BMP8A: variants seen among roughly 807,000 people sequenced by gnomAD.
BMP8A encodes the protein BMP-8A.
Under a neutral mutation model 36.8 loss-of-function variants are expected in BMP8A, and 14 were observed. The ratio of observed to expected loss-of-function variants is 0.38; its 90% CI spans 0.25 to 0.60. The LOEUF (loss-of-function observed/expected upper bound fraction) is 0.60, where lower values mean the gene tolerates loss of function less well. Among genes scored for constraint, BMP8A ranks in the 20% least tolerant of loss-of-function variants. The pLI is 0.63. For synonymous variants in BMP8A, 120 were observed against 237.7 expected, an observed-to-expected ratio of 0.50 and a Z score of 4.55; for missense variants, 267 against 551.1, an observed-to-expected ratio of 0.48 and a Z score of 5.16.
intron 1 of BMP8A, among the ~76,000 whole-genome samples, chr1:39,497,473 T>C (rs1021306420): frequency 3.3e-5 from 5 of 152,182 alleles, no homozygotes; most frequent in African/African-American, 1.2e-4. Flanking sequence ...CTTCATAGAA[T>C]ACACTTACCT....
intron 1 of BMP8A, among the ~76,000 whole-genome samples, chr1:39,498,790 G>A (rs1199248160): frequency 8.5e-5 from 13 of 152,102 alleles, no homozygotes; most frequent in East Asian, 7.7e-4. Flanking sequence ...CCATGCACCC[G>A]GGGCTCTGGG....
chr1:39,493,415 C>A (rs565661945), intron 1 of BMP8A, among the ~76,000 whole-genome samples: 8 of 152,364 alleles, frequency 5.3e-5, no homozygotes, highest in Non-Finnish European at 1.2e-4. Flanking sequence ...AGGACAGGCC[C>A]AGGAAGCCTG....
intron 6 of BMP8A, 145 bp downstream of exon 6, chr1:39,523,262 C>A (rs1440672170): frequency 1.4e-5 from 14 of 1,000,700 alleles, no homozygotes; most frequent in Non-Finnish European, 2.1e-5. Flanking sequence ...ACGTCGCTAA[C>A]TTCCCACAGC....
chr1:39,500,391 G>C (rs1307520831), intron 1 of BMP8A, among the ~76,000 whole-genome samples: 1 of 152,220 alleles, frequency 6.6e-6, no homozygotes, highest in Admixed American at 6.5e-5. Context: ...GGAAGGGAGT[G>C]CTGCTGTCAG....
intron 3 of BMP8A, among the ~76,000 whole-genome samples, chr1:39,513,822 G>A (rs1398107568): frequency 6.7e-6 from 1 of 150,058 alleles, no homozygotes; most frequent in Non-Finnish European, 1.5e-5. Context: ...TAGTGATGGA[G>A]AAGAAAGAGG....
At chr1:39,523,470 TC>T (rs1483723128) in intron 6 of BMP8A, 2 of 1,279,528 alleles carry the variant, frequency 1.6e-6, no homozygotes, top group Non-Finnish European at 2.0e-6. Flanking sequence ...GGCTGTGTGA[TC>T]TTAACACACG....
intron 1 of BMP8A, among the ~76,000 whole-genome samples, chr1:39,509,913 A>G (rs1389374045): frequency 6.6e-6 from 1 of 152,244 alleles, no homozygotes; most frequent in Non-Finnish European, 1.5e-5. Flanking sequence ...TGCCCTAAAT[A>G]TAGCGTCCTG....
At chr1:39,502,842 G>A (rs918355513) in intron 1 of BMP8A, among the ~76,000 whole-genome samples, 3 of 152,198 alleles carry the variant, frequency 2.0e-5, no homozygotes, top group South Asian at 2.1e-4. Context: ...TCAGGAGTTC[G>A]AGACTAGCCT....
chr1:39,500,192 A>G (rs537212180), intron 1 of BMP8A, among the ~76,000 whole-genome samples: 2 of 152,252 alleles, frequency 1.3e-5, no homozygotes, highest in African/African-American at 4.8e-5. Flanking sequence ...GGCTGTCCAC[A>G]TCTTCACACA....
intron 1 of BMP8A, among the ~76,000 whole-genome samples, chr1:39,508,022 C>T (rs923679369): frequency 6.6e-6 from 1 of 152,098 alleles, no homozygotes; most frequent in African/African-American, 2.4e-5. Flanking sequence ...GAGGCCGAGG[C>T]GGGCAGATCA....
rs188178330 is a variant in BMP8A at position 39,501,275 on chromosome 1, T to C, written c.334+8950T>C. The stretch of plus-strand genomic sequence containing the variant: ...GGTCCCACCTCCGATCACAGCCACA[T>C]TGGGGATCACATTTCAACCTGAGTT... On this transcript the variant is annotated intron_variant, in intron 1 of 6. Transcript: ENST00000331593. 2.3e-4 allele frequency among the ~76,000 whole-genome samples: 35 copies of C among 152,352 alleles called. No individual in the cohort carries two copies. The East Asian group carries it at 6.6e-3, about 29-fold the overall frequency.
intron 1 of BMP8A, among the ~76,000 whole-genome samples, chr1:39,494,557 A>G (rs997885374): frequency 1.3e-5 from 2 of 151,914 alleles, no homozygotes; most frequent in East Asian, 3.9e-4. Flanking sequence ...GTCTCACTGT[A>G]TTGCCCAGAC....
chr1:39,497,385 C>G (rs1350696373), intron 1 of BMP8A, among the ~76,000 whole-genome samples: 1 of 152,142 alleles, frequency 6.6e-6, no homozygotes, highest in Non-Finnish European at 1.5e-5. Flanking sequence ...AGCTGGAAGC[C>G]GACACACAGT....
At chr1:39,514,568 G>A (rs865945514) in intron 3 of BMP8A, among the ~76,000 whole-genome samples, 5 of 151,186 alleles carry the variant, frequency 3.3e-5, no homozygotes, top group Admixed American at 1.3e-4. Context: ...ACCCAGCGGC[G>A]CCTGCTCATT....
Position 39,501,036 on chromosome 1 carries a change from A to G in BMP8A, c.334+8711A>G, listed in dbSNP as rs149882986. 5.3e-3 allele frequency among the ~76,000 whole-genome samples: 809 copies of G among 152,350 alleles called. 7 individuals are homozygous for G. The highest frequency in any genetic ancestry group is 8.0e-3 in the Non-Finnish European group (544 of 68,038). On this transcript the variant is annotated intron_variant, in intron 1 of 6. Transcript: ENST00000331593. ...CTGCATCTGGTGAGAGCCTCAGGCT[A>G]CTTCAATTCATGGCAGAAAGTGGAA...
intron 1 of BMP8A, among the ~76,000 whole-genome samples, chr1:39,499,860 T>C (rs1184461463): frequency 6.6e-6 from 1 of 152,224 alleles, no homozygotes; most frequent in Admixed American, 6.5e-5. Flanking sequence ...CTGTCACCAG[T>C]CCCTGTTGGC....
At chr1:39,519,759 G>C (rs1282890301) in intron 3 of BMP8A, among the ~76,000 whole-genome samples, 1 of 151,446 alleles carries the variant, frequency 6.6e-6, no homozygotes, top group Non-Finnish European at 1.5e-5. Context: ...AAATACATCT[G>C]TGTGTGTGAT....
rs535719312 is a variant in BMP8A, at chr1:39,525,485, T to A, written c.1060-164T>A. ...ACCACAGCTCCCGCTCCCAGAGCTCTCAGGGCTGCTCTTATTCCTGTTAAT... is the reference window on the plus strand; with the variant it reads ...ACCACAGCTCCCGCTCCCAGAGCTCACAGGGCTGCTCTTATTCCTGTTAAT... On this transcript the variant is annotated intron_variant, in intron 6 of 6. Transcript: ENST00000331593. Among the ~76,000 whole-genome samples the A allele has an allele frequency of 2.0e-5, 3 of 152,268 alleles. No individual in the cohort carries two copies. The East Asian group carries it at 5.8e-4, about 29-fold the overall frequency.
At chr1:39,497,176 T>C (rs1645212353) in intron 1 of BMP8A, among the ~76,000 whole-genome samples, 1 of 152,248 alleles carries the variant, frequency 6.6e-6, no homozygotes, top group Admixed American at 6.5e-5. Flanking sequence ...CCATCCATTG[T>C]TATGGACATT....
Sources: gnomAD v4.1 joint callset for allele counts (sites outside exome capture counted in the v4.1 genomes callset) on GRCh38, gnomAD v4.1.1 for gene constraint, MANE v1.5 for transcripts, NCBI Gene and HGNC (gene_info 2026-07-23, HGNC 2026-07-21) for gene names.